Variants in SLCO5A1 observed in about 807,000 individuals in gnomAD.
The protein encoded by SLCO5A1 is solute carrier organic anion transporter family member 5A1, also known as organic anion transporter polypeptide-related protein 4.
Under a neutral mutation model 65.1 loss-of-function variants are expected in SLCO5A1, and 39 were observed. The ratio of observed to expected loss-of-function variants is 0.60; its 90% CI spans 0.46 to 0.78. The LOEUF (loss-of-function observed/expected upper bound fraction) is 0.78. Ranked by LOEUF, SLCO5A1 falls within the 30% of genes least tolerant of loss-of-function variation. SLCO5A1 has a pLI of 0.00. For missense variants in SLCO5A1, 1,029 were observed against 1,069.4 expected (o/e 0.96, Z 0.53); for synonymous variants, 438 against 415.7 (o/e 1.05, Z -0.65).
Position 69,670,697 on chromosome 8 carries a change from A to G in SLCO5A1, c.*2172T>C, listed in dbSNP as rs1235883696. 6.6e-6 allele frequency: 1 copy of G among 152,212 alleles called. No individual in the cohort carries two copies. The highest frequency in any genetic ancestry group is 1.5e-5 in the Non-Finnish European group (1 of 68,056). The allele number at this position is 152,212 out of a possible 1,614,324, so 9.4% of individuals were successfully genotyped here. On this transcript the variant is annotated 3_prime_UTR_variant, in exon 10 of 10. Coordinates refer to ENST00000260126, the MANE Select transcript of SLCO5A1 (RefSeq NM_030958.3). ...AACTGGATGACTGTTCATGGCAGCAAAGGGAGTAAGGGGGCTCTCTAACTA... is the reference window on the plus strand; with the variant it reads ...AACTGGATGACTGTTCATGGCAGCAGAGGGAGTAAGGGGGCTCTCTAACTA...
At chr8:69,722,271 C>T (rs1815861752) in intron 5 of SLCO5A1, among the ~76,000 whole-genome samples, 1 of 152,194 alleles carries the variant, frequency 6.6e-6, no homozygotes, top group Non-Finnish European at 1.5e-5. Flanking sequence ...AACCTAAACT[C>T]ATGGAGGGAA....
intron 2 of SLCO5A1, among the ~76,000 whole-genome samples, chr8:69,770,072 T>C (rs1225492435): frequency 1.3e-5 from 2 of 152,242 alleles, no homozygotes; most frequent in Admixed American, 1.3e-4. Flanking sequence ...GTAATTATTG[T>C]TCCGTAATTA....
intron 5 of SLCO5A1, among the ~76,000 whole-genome samples, chr8:69,713,219 G>A (rs1815350390): frequency 6.6e-6 from 1 of 152,102 alleles, no homozygotes; most frequent in Non-Finnish European, 1.5e-5. Flanking sequence ...TCATTTCTTT[G>A]CTCTAGTTTC....
rs145176409 is a variant in SLCO5A1 at position 69,800,375 on chromosome 8, C to G, written c.907+31392G>C. 8.3e-3 allele frequency among the ~76,000 whole-genome samples: 1,253 copies of G among 151,478 alleles called. 13 individuals carry two copies. Among genetic ancestry groups the G allele is most frequent in the African/African-American group, 0.029 (1,185 of 41,218 alleles). On this transcript the variant is annotated intron_variant, in intron 2 of 9. Coordinates refer to ENST00000260126, the MANE Select transcript of SLCO5A1 (RefSeq NM_030958.3). ...AGGAGGAGGAGGAGAAGAGGCCTGCCCAAACTAGCATACTGCCTCTTGCAT... is the reference window on the plus strand; with the variant it reads ...AGGAGGAGGAGGAGAAGAGGCCTGCGCAAACTAGCATACTGCCTCTTGCAT...
Position 69,673,217 on chromosome 8 carries a change from C to T in SLCO5A1, c.2199G>A (p.Ser733=), listed in dbSNP as rs1171295161. The change falls in exon 10 of 10, where the codon TCG becomes TCA. Residue 733 remains serine, a synonymous_variant. Coordinates refer to ENST00000260126, the MANE Select transcript of SLCO5A1 (RefSeq NM_030958.3). ...QGSCWEYNVT[S]FRFVYFGLAA... is the part of the protein sequence containing the mutation. ...CCAAACCAAAATACACAAAACGAAACGACGTCACGTTGTACTCCCAGCAAG... is the reference window on the plus strand; with the variant it reads ...CCAAACCAAAATACACAAAACGAAATGACGTCACGTTGTACTCCCAGCAAG... 8 of 1,614,076 alleles carry T rather than the reference C, an allele frequency of 5.0e-6. No homozygotes were observed. Among genetic ancestry groups the T allele is most frequent in the Non-Finnish European group, 6.8e-6 (8 of 1,180,048 alleles).
At chr8:69,808,157 T>C (rs1820083214) in intron 2 of SLCO5A1, among the ~76,000 whole-genome samples, 1 of 151,756 alleles carries the variant, frequency 6.6e-6, no homozygotes, top group African/African-American at 2.4e-5. Context: ...TTTTTTGTAA[T>C]GAAAGCTTTT....
chr8:69,729,457 A>AAC (rs1816239344), intron 5 of SLCO5A1, among the ~76,000 whole-genome samples: 3 of 150,998 alleles, frequency 2.0e-5, no homozygotes, highest in Admixed American at 6.6e-5. Context: ...AAAAAAAAAA[A>AAC]AAAAAAAAAA....
intron 2 of SLCO5A1, among the ~76,000 whole-genome samples, chr8:69,818,550 A>G (rs1217671825): frequency 2.6e-5 from 4 of 152,212 alleles, no homozygotes; most frequent in Admixed American, 2.0e-4. Context: ...ATAAAACCCT[A>G]TTTGAAAACT....
rs370548835 is a variant in SLCO5A1 at position 69,680,125 on chromosome 8, GTTTTC to G, written c.1783-511_1783-507del. Among the ~76,000 whole-genome samples, 389 of 152,258 alleles carry G rather than the reference GTTTTC, an allele frequency of 2.6e-3. 4 individuals are homozygous for G. Among genetic ancestry groups the G allele is most frequent in the African/African-American group, 8.8e-3 (365 of 41,528 alleles). Reference sequence around the variant, plus strand: ...ATAGTGAACATCTCATTGGTGTTCCGTTTTCTTTTCTTTTTCAACTTTTATTTTAG... The same window carrying G: ...ATAGTGAACATCTCATTGGTGTTCCGTTTTCTTTTTCAACTTTTATTTTAG... On this transcript the variant is annotated intron_variant, in intron 7 of 9. Coordinates refer to ENST00000260126, the MANE Select transcript of SLCO5A1 (RefSeq NM_030958.3).
chr8:69,685,048 T>C (rs1348418035), intron 6 of SLCO5A1, among the ~76,000 whole-genome samples: 2 of 152,164 alleles, frequency 1.3e-5, no homozygotes, highest in African/African-American at 4.8e-5. Context: ...GATCATGGTG[T>C]CTGATACAAA....
Position 69,761,849 on chromosome 8 carries a change from C to G in SLCO5A1, c.934G>C (p.Gly312Arg). The G allele has an allele frequency of 1.2e-6, 2 of 1,613,620 alleles. No homozygotes were observed. The highest frequency in any genetic ancestry group is 1.7e-6 in the Non-Finnish European group (2 of 1,179,958). ...CCTAATAAATATCCCACTGCAGGGC[C>G]AAGTGCTCCCATGACATACATGATG... ...LAIMYVMGAL[G>R]PAVGYLLGGL... Residue 312 changes from glycine (G) to arginine (R), a missense_variant, in exon 3 of 10, where the codon GGC becomes CGC. Transcript: ENST00000260126.
intron 5 of SLCO5A1, among the ~76,000 whole-genome samples, chr8:69,706,670 T>C (rs1227763148): frequency 6.6e-6 from 1 of 152,218 alleles, no homozygotes; most frequent in African/African-American, 2.4e-5. Context: ...AGGGCCTTGT[T>C]GTTGGACTTC....
chr8:69,706,653 C>CG (rs1814981998), intron 5 of SLCO5A1, among the ~76,000 whole-genome samples: 1 of 152,188 alleles, frequency 6.6e-6, no homozygotes, highest in African/African-American at 2.4e-5. Flanking sequence ...CTTCACCACA[C>CG]GGGGCCAGGG....
intron 4 of SLCO5A1, among the ~76,000 whole-genome samples, chr8:69,752,481 T>G (rs1817355985): frequency 6.6e-6 from 1 of 152,022 alleles, no homozygotes; most frequent in Non-Finnish European, 1.5e-5. Flanking sequence ...TCCTGGAGAT[T>G]TAATTTGTCC....
Position 69,776,975 on chromosome 8 carries a change from G to T in SLCO5A1, c.908-15100C>A, listed in dbSNP as rs116540547. On this transcript the variant is annotated intron_variant, in intron 2 of 9. Coordinates refer to ENST00000260126, the MANE Select transcript of SLCO5A1 (RefSeq NM_030958.3). The stretch of plus-strand genomic sequence containing the variant: ...CCCTGCTAGTGGGAATGTAAAATTG[G>T]TACAACCACTTTGGAGAACATTTCA... Among the ~76,000 whole-genome samples, 444 of 152,278 alleles carry T rather than the reference G, an allele frequency of 2.9e-3. 3 individuals carry two copies. Among genetic ancestry groups the T allele is most frequent in the African/African-American group, 0.01 (418 of 41,548 alleles).
rs142839672 is a variant in SLCO5A1 at position 69,700,057 on chromosome 8, C to T, written c.1622+4974G>A. 1.8e-4 allele frequency among the ~76,000 whole-genome samples: 28 copies of T among 152,264 alleles called. No individual in the cohort carries two copies. In the East Asian group the frequency reaches 4.1e-3, roughly 22 times the overall value. ...ATTGCAGTGAGCCATGATCGTGCCA[C>T]GGCACTCCAGCCTGAATGACAGAGC... On this transcript the variant is annotated intron_variant, in intron 6 of 9. Coordinates refer to ENST00000260126, the MANE Select transcript of SLCO5A1 (RefSeq NM_030958.3).
chr8:69,738,205 C>A lies in SLCO5A1; in HGVS notation c.1259-1G>T. On this transcript the variant is annotated splice_acceptor_variant, in intron 4 of 9. Coordinates refer to ENST00000260126, the MANE Select transcript of SLCO5A1 (RefSeq NM_030958.3). LOFTEE classifies it high-confidence loss of function. ...ATCCTGACAGCTGCTCTTGGTAGGT[C>A]TACAAAATGACAAAAATGACAAATG... 1 of 1,583,988 alleles carries A rather than the reference C, an allele frequency of 6.3e-7. No homozygotes were observed. The highest frequency in any genetic ancestry group is 8.6e-7 in the Non-Finnish European group (1 of 1,162,754).
At chr8:69,735,700 A>C (rs1400194474) in intron 5 of SLCO5A1, among the ~76,000 whole-genome samples, 1 of 150,976 alleles carries the variant, frequency 6.6e-6, no homozygotes, top group African/African-American at 2.5e-5. Context: ...GCATCAGGGA[A>C]AATAGCTAAT....
Position 69,832,124 on chromosome 8 carries a change from A to G in SLCO5A1, c.550T>C (p.Phe184Leu), listed in dbSNP as rs1340944192. ...FDIGNLVVVV[F>L]VSYFGGRGRR... is the part of the protein sequence containing the mutation. Reference sequence around the variant, plus strand: ...CCCCGGCCGCCGAAGTAGCTGACGAACACCACCACCACCAGGTTCCCGATG... The same window carrying G: ...CCCCGGCCGCCGAAGTAGCTGACGAGCACCACCACCACCAGGTTCCCGATG... Residue 184 changes from phenylalanine (F) to leucine (L), a missense_variant, in exon 2 of 10, where the codon TTC (phenylalanine) becomes CTC (leucine). Transcript: ENST00000260126. The surrounding 1 kb of genome is among the most constrained non-coding windows in gnomAD (Gnocchi z 4.5). The G allele has an allele frequency of 5.6e-6, 9 of 1,614,048 alleles. No homozygotes were observed. Among genetic ancestry groups the G allele is most frequent in the Non-Finnish European group, 7.6e-6 (9 of 1,180,052 alleles).
Sources: allele counts gnomAD v4.1 joint callset (sites outside exome capture counted in the v4.1 genomes callset), GRCh38; gene constraint gnomAD v4.1.1; non-coding constraint Gnocchi (gnomAD v3.1); transcripts MANE v1.5; gene names NCBI Gene and HGNC (gene_info 2026-07-23, HGNC 2026-07-21).